ZSWIM6: variants seen among roughly 807,000 people sequenced by gnomAD.
The protein encoded by ZSWIM6 is zinc finger SWIM domain-containing protein 6.
In ZSWIM6, 9 loss-of-function variants were observed where a neutral mutation model predicts 113.2. The observed-to-expected ratio is 0.08, with a 90% CI of 0.05 to 0.14. The LOEUF (loss-of-function observed/expected upper bound fraction) is 0.14, where lower values mean the gene tolerates loss of function less well. Among genes scored for constraint, ZSWIM6 ranks in the 10% least tolerant of loss-of-function variants. ZSWIM6 has a pLI of 1.00. For missense variants in ZSWIM6, 1,162 were observed against 1,552.2 expected, an observed-to-expected ratio of 0.75 and a Z score of 4.22; for synonymous variants, 611 against 606.5, an observed-to-expected ratio of 1.01 and a Z score of -0.11.
At chr5:61,365,006 G>T (rs1360741032) in intron 1 of ZSWIM6, among the ~76,000 whole-genome samples, 1 of 152,160 alleles carries the variant, frequency 6.6e-6, no homozygotes, top group Non-Finnish European at 1.5e-5. Context: ...GCTCTTTACA[G>T]AAAAAGTTTG....
At chr5:61,375,246 A>T (rs543333711) in intron 1 of ZSWIM6, 13 of 1,612,816 alleles carry the variant, frequency 8.1e-6, no homozygotes, top group Admixed American at 5.0e-5. Flanking sequence ...AAGAAGTAAA[A>T]GAGCAACTAG....
chr5:61,432,614 C>T (rs1286563459), intron 1 of ZSWIM6, among the ~76,000 whole-genome samples: 2 of 152,146 alleles, frequency 1.3e-5, no homozygotes, highest in East Asian at 3.8e-4. Context: ...CCTATCCTGC[C>T]CCATGAACAA....
chr5:61,532,543 T>C (rs75754914), intron 9 of ZSWIM6, among the ~76,000 whole-genome samples: 2,013 of 152,362 alleles, frequency 0.013, 30 homozygotes, highest in Non-Finnish European at 0.02. Flanking sequence ...ATTCATCTTA[T>C]GTTCAGAACT....
chr5:61,437,568 C>G (rs1035049678), intron 1 of ZSWIM6, among the ~76,000 whole-genome samples: 8 of 151,914 alleles, frequency 5.3e-5, no homozygotes, highest in African/African-American at 1.9e-4. Context: ...ATAAAAAATA[C>G]AAAAATTAGC....
At position 61,332,567 on chromosome 5, in the gene ZSWIM6, G is replaced by T; in HGVS notation, c.295G>T (p.Glu99Ter). 1.5e-6 allele frequency: 2 copies of T among 1,365,924 alleles called. No homozygotes were observed. Among genetic ancestry groups the T allele is most frequent in the Non-Finnish European group, 9.7e-7 (1 of 1,032,638 alleles). 84.6% of individuals were successfully genotyped at this position (1,365,924 alleles called of 1,614,324 possible). A position where few individuals can be genotyped will look rare whatever the true frequency, so the allele number is the denominator to read the frequency against. Reference sequence around the variant, plus strand: ...GTTCCAGCGCGTGGAGGAGCGCTTTGAGCGCATCCCGGAGCCGGTGCAGCG... The same window carrying T: ...GTTCCAGCGCGTGGAGGAGCGCTTTTAGCGCATCCCGGAGCCGGTGCAGCG... ...WPFQRVEERFERIPEPVQRRI... is the reference protein window; with the variant it reads ...WPFQRVEERF Residue 99 changes from glutamate to a stop codon, truncating the protein, a stop_gained, in exon 1 of 14, where the codon GAG becomes TAG. Coordinates refer to ENST00000252744, the MANE Select transcript of ZSWIM6 (RefSeq NM_020928.2). LOFTEE classifies it high-confidence loss of function.
At chr5:61,477,986 G>A (rs1359429146) in intron 2 of ZSWIM6, among the ~76,000 whole-genome samples, 2 of 152,204 alleles carry the variant, frequency 1.3e-5, no homozygotes, top group Non-Finnish European at 2.9e-5. Context: ...GAGGACTCAT[G>A]TCACATTTTC....
chr5:61,453,378 C>CTTTTT (rs60097146), intron 1 of ZSWIM6, among the ~76,000 whole-genome samples: 1 of 135,900 alleles, frequency 7.4e-6, no homozygotes, highest in Non-Finnish European at 1.6e-5. Flanking sequence ...CTCTCTCTCT[C>CTTTTT]TTTTTTTTTT....
Position 61,501,855 on chromosome 5 carries a change from G to A in ZSWIM6, c.1333+7445G>A, listed in dbSNP as rs1248815127. ...ATTAGTGGTTAATAGGAATGTCATA[G>A]CGTTGGTATAAGGTGTCCTCTTCTT... On this transcript the variant is annotated intron_variant, in intron 4 of 13. Transcript: ENST00000252744. Among the ~76,000 whole-genome samples, 7 of 152,168 alleles carry A rather than the reference G, an allele frequency of 4.6e-5. No individual in the cohort carries two copies. In the East Asian group the frequency reaches 1.3e-3, roughly 29 times the overall value.
rs578195802 is a variant in ZSWIM6, at chr5:61,403,411, G to T, written c.677-69270G>T. Among the ~76,000 whole-genome samples, 6 of 152,312 alleles carry T rather than the reference G, an allele frequency of 3.9e-5. No individual in the cohort carries two copies. In the South Asian group the frequency reaches 1.2e-3, roughly 32 times the overall value. ...AGATTTCTAAACCATGTGACCTGTGGTCAGTCCTGTTCCTCTTGCTATAGA... is the reference window on the plus strand; with the variant it reads ...AGATTTCTAAACCATGTGACCTGTGTTCAGTCCTGTTCCTCTTGCTATAGA... On this transcript the variant is annotated intron_variant, in intron 1 of 13. Transcript: ENST00000252744.
chr5:61,332,958 G>C lies in ZSWIM6; in HGVS notation c.676+10G>C, dbSNP rs1251815072. On this transcript the variant is annotated intron_variant, in intron 1 of 13. Transcript: ENST00000252744. ...AACGTCCTGCAAGTCGGTGAGTCAC[G>C]GGGCAGCCGCGAGCCGTCTGTCCGT... The C allele has an allele frequency of 3.8e-6, 5 of 1,306,908 alleles. No homozygotes were observed. Among genetic ancestry groups the C allele is most frequent in the Non-Finnish European group, 4.9e-6 (5 of 1,017,544 alleles). The allele number at this position is 1,306,908 out of a possible 1,614,324, so 81.0% of individuals were successfully genotyped here. A position where few individuals can be genotyped will look rare whatever the true frequency, so the allele number is the denominator to read the frequency against.
intron 1 of ZSWIM6, 61 bp downstream of exon 1, chr5:61,333,009 G>GGGGGCCCCC: frequency 4.5e-6 from 2 of 439,884 alleles, no homozygotes; most frequent in Non-Finnish European, 6.4e-6. Flanking sequence ...TGGGGGGGGG[G>GGGGGCCCCC]TGCCCGCCTT....
chr5:61,456,942 A>G (rs1014557468), intron 1 of ZSWIM6, among the ~76,000 whole-genome samples: 1 of 148,662 alleles, frequency 6.7e-6, no homozygotes, highest in African/African-American at 2.5e-5. Flanking sequence ...TTTAGGGTAC[A>G]TGTGCACATT....
chr5:61,403,472 A>G (rs979818805), intron 1 of ZSWIM6, among the ~76,000 whole-genome samples: 1 of 152,210 alleles, frequency 6.6e-6, no homozygotes, highest in African/African-American at 2.4e-5. Context: ...ATTCTAATCC[A>G]TATGCAGCTA....
intron 1 of ZSWIM6, among the ~76,000 whole-genome samples, chr5:61,336,754 CT>C (rs1249006183): frequency 6.6e-6 from 1 of 151,780 alleles, no homozygotes; most frequent in Non-Finnish European, 1.5e-5. Flanking sequence ...GAGACTCTGT[CT>C]CAAGAGGAAA....
At chr5:61,507,471 C>T (rs904664893) in intron 4 of ZSWIM6, among the ~76,000 whole-genome samples, 1 of 152,150 alleles carries the variant, frequency 6.6e-6, no homozygotes, top group African/African-American at 2.4e-5. Context: ...TCCAGAAATG[C>T]AGACACTGAC....
chr5:61,478,044 T>G (rs1747751558), intron 2 of ZSWIM6, among the ~76,000 whole-genome samples: 1 of 152,210 alleles, frequency 6.6e-6, no homozygotes, highest in Non-Finnish European at 1.5e-5. Context: ...TAATTGGGCT[T>G]GCCTTAGCAA....
chr5:61,355,431 A>AACACACACACACAC (rs34072520), intron 1 of ZSWIM6, among the ~76,000 whole-genome samples: 1 of 127,594 alleles, frequency 7.8e-6, no homozygotes, highest in African/African-American at 3.0e-5. Context: ...GAGACTTTAA[A>AACACACACACACAC]ACACACACAC....
At chr5:61,445,146 G>A (rs1746924555) in intron 1 of ZSWIM6, among the ~76,000 whole-genome samples, 1 of 152,166 alleles carries the variant, frequency 6.6e-6, no homozygotes, top group South Asian at 2.1e-4. Flanking sequence ...TCTAGTGACA[G>A]AATTGTGACC....
At chr5:61,507,451 T>A (rs1455494660) in intron 4 of ZSWIM6, among the ~76,000 whole-genome samples, 1 of 152,192 alleles carries the variant, frequency 6.6e-6, no homozygotes, top group Non-Finnish European at 1.5e-5. Context: ...ACAGCATACA[T>A]GTGCATTATT....
Sources: gnomAD v4.1 joint callset for allele counts (sites outside exome capture counted in the v4.1 genomes callset) on GRCh38, gnomAD v4.1.1 for gene constraint, MANE v1.5 for transcripts, NCBI Gene and HGNC (gene_info 2026-07-23, HGNC 2026-07-21) for gene names.